INTS10: variants seen among roughly 807,000 people sequenced by gnomAD.
INTS10 encodes the protein integrator complex subunit 10.
In INTS10, 44 loss-of-function variants were observed where a neutral mutation model predicts 94.4. That is an observed-to-expected ratio of 0.47 (90% CI 0.37 to 0.60). The LOEUF (loss-of-function observed/expected upper bound fraction) is 0.60. Ranked by LOEUF, INTS10 falls within the 20% of genes least tolerant of loss-of-function variation. INTS10 has a pLI of 0.00. For missense variants in INTS10, 797 were observed against 868.7 expected (o/e 0.92, Z 1.04); for synonymous variants, 341 against 320.7 (o/e 1.06, Z -0.68).
chr8:19,831,953 T>C (rs1322339770), intron 10 of INTS10, 75 bp from the exon 11 acceptor site: 1 of 860,436 alleles, frequency 1.2e-6, no homozygotes, highest in Non-Finnish European at 2.0e-6. Context: ...TCTTCTCTCT[T>C]ACTGGATTTG....
At chr8:19,833,471 CA>C (rs2067404881) in intron 12 of INTS10, 150 bp downstream of exon 12, 4 of 525,408 alleles carry the variant, frequency 7.6e-6, no homozygotes, top group Non-Finnish European at 1.2e-5. Context: ...GTGAACATCA[CA>C]ATGATTTTGT....
intron 10 of INTS10, 44 bp from the exon 11 acceptor site, chr8:19,831,984 T>A (rs2067263039): frequency 9.0e-7 from 1 of 1,108,392 alleles, no homozygotes; most frequent in Admixed American, 1.7e-5. Flanking sequence ...TTCTGCTTCT[T>A]TGCTGCATAT....
intron 12 of INTS10, 70 bp downstream of exon 12, chr8:19,833,391 G>A (rs529850113): frequency 3.5e-5 from 44 of 1,252,564 alleles, no homozygotes; most frequent in African/African-American, 1.1e-4. Flanking sequence ...TTTCCCTAGC[G>A]TGGCTTTTCA....
chr8:19,833,307 C>T lies in INTS10; in HGVS notation c.1516C>T (p.Leu506=). 2 of 1,611,076 alleles carry T rather than the reference C, an allele frequency of 1.2e-6. No homozygotes were observed. Among genetic ancestry groups the T allele is most frequent in the Non-Finnish European group, 1.7e-6 (2 of 1,178,522 alleles). Residue 506 remains leucine, a synonymous_variant, in exon 12 of 17, where the codon CTA becomes TTA. Coordinates refer to ENST00000397977, the MANE Select transcript of INTS10 (RefSeq NM_018142.4). Reference sequence around the variant, plus strand: ...CCAGCTGGCGACGTGCCACTTTGCGCTAGGGGAGTACAGAGTGAGTACTGC... The same window carrying T: ...CCAGCTGGCGACGTGCCACTTTGCGTTAGGGGAGTACAGAGTGAGTACTGC... ...LIQLATCHFA[L]GEYRMTCEKV...
intron 15 of INTS10, 129 bp downstream of exon 15, chr8:19,844,367 G>A: frequency 1.4e-6 from 1 of 729,992 alleles, no homozygotes; most frequent in Non-Finnish European, 2.2e-6. Flanking sequence ...GAGAAGGAAT[G>A]GGGATTAAAA....
intron 12 of INTS10, among the ~76,000 whole-genome samples, chr8:19,834,034 C>A (rs2067456593): frequency 6.6e-6 from 1 of 151,162 alleles, no homozygotes; most frequent in South Asian, 2.1e-4. Flanking sequence ...GGTGATAATA[C>A]CCAATAGGGG....
At chr8:19,829,585 G>A (rs1269481145) in intron 9 of INTS10, among the ~76,000 whole-genome samples, 1 of 152,164 alleles carries the variant, frequency 6.6e-6, no homozygotes, top group African/African-American at 2.4e-5. Context: ...CGAGAGAGGG[G>A]TGACCAGTGC....
intron 3 of INTS10, 37 bp downstream of exon 3, chr8:19,819,713 T>C (rs2066217342): frequency 7.0e-7 from 1 of 1,425,274 alleles, no homozygotes; most frequent in Non-Finnish European, 9.9e-7. Flanking sequence ...ATTTCGGGAA[T>C]ACCAAATCAT....
rs561518835 is a variant in INTS10 at position 19,830,638 on chromosome 8, C to G, written c.1294+79C>G. 1.3e-5 allele frequency: 17 copies of G among 1,351,980 alleles called. 2 individuals are homozygous for G. In the African/African-American group the frequency reaches 2.2e-4, roughly 17 times the overall value. The allele number at this position is 1,351,980 out of a possible 1,614,324, so 83.7% of individuals were successfully genotyped here. A position where few individuals can be genotyped will look rare whatever the true frequency, so the allele number is the denominator to read the frequency against. ...GCTACTTCAAATGTCAGGTCACTTA[C>G]GGCAAATTAAGTTGATTACAGTAGT... On this transcript the variant is annotated intron_variant, in intron 10 of 16. Coordinates refer to ENST00000397977, the MANE Select transcript of INTS10 (RefSeq NM_018142.4).
At chr8:19,818,188 C>A (rs749667999) in intron 1 of INTS10, 87 bp from the exon 2 acceptor site, 1 of 1,294,072 alleles carries the variant, frequency 7.7e-7, no homozygotes, top group African/African-American at 1.5e-5. Flanking sequence ...CCCTCCCTTC[C>A]TGCAGGAGGG....
Position 19,841,718 on chromosome 8 carries a change from C to G in INTS10, c.1640-1130C>G, listed in dbSNP as rs145485078. 1.3e-4 allele frequency: 55 copies of G among 419,778 alleles called. No homozygotes were observed. In the East Asian group the frequency reaches 2.9e-3, roughly 22 times the overall value. 26.0% of individuals were successfully genotyped at this position (419,778 alleles called of 1,614,324 possible). On this transcript the variant is annotated intron_variant, in intron 13 of 16. Coordinates refer to ENST00000397977, the MANE Select transcript of INTS10 (RefSeq NM_018142.4). Reference sequence around the variant, plus strand: ...GTCATGCAACCATTCTGGAAACCAACTTCCCATGACCAAGTTGAACATGTC... The same window carrying G: ...GTCATGCAACCATTCTGGAAACCAAGTTCCCATGACCAAGTTGAACATGTC...
At chr8:19,828,874 T>G (rs10092772) in intron 9 of INTS10, among the ~76,000 whole-genome samples, 2 of 151,786 alleles carry the variant, frequency 1.3e-5, no homozygotes, top group African/African-American at 2.4e-5. Flanking sequence ...CAGGTTTTGA[T>G]TGGAAAAGGT....
rs58132067 is a variant in INTS10 at position 19,846,485 on chromosome 8, G to C, written c.1976+688G>C. ...GCTGTGCTTAATTAAAATTGTGCTGGGTTAGAAAAATTCTTTAGGAAAAAC... is the reference window on the plus strand; with the variant it reads ...GCTGTGCTTAATTAAAATTGTGCTGCGTTAGAAAAATTCTTTAGGAAAAAC... On this transcript the variant is annotated intron_variant, in intron 16 of 16. Transcript: ENST00000397977. The surrounding 1 kb of genome is among the most constrained non-coding windows in gnomAD (Gnocchi z 4.2). Among the ~76,000 whole-genome samples, 18,995 of 151,846 alleles carry C rather than the reference G, an allele frequency of 0.13. 1,333 individuals carry two copies. Among genetic ancestry groups the C allele is most frequent in the East Asian group, 0.29 (1,517 of 5,172 alleles).
At chr8:19,841,983 T>A in intron 13 of INTS10, 1 of 256,254 alleles carries the variant, frequency 3.9e-6, no homozygotes, top group Non-Finnish European at 7.8e-6. Context: ...GGATCCCATG[T>A]GAAAAATATT....
chr8:19,818,136 T>G (rs949892113), intron 1 of INTS10, 139 bp from the exon 2 acceptor site: 6 of 804,146 alleles, frequency 7.5e-6, no homozygotes, highest in Admixed American at 7.4e-5. Flanking sequence ...AAGTCTGCCA[T>G]GTATGTGGCG....
chr8:19,836,296 G>C lies in INTS10; in HGVS notation c.1531-756G>C, dbSNP rs115596683. On this transcript the variant is annotated intron_variant, in intron 12 of 16. Coordinates refer to ENST00000397977, the MANE Select transcript of INTS10 (RefSeq NM_018142.4). The stretch of plus-strand genomic sequence containing the variant: ...AGGGTTTGCTTGACACAGATAAAAG[G>C]CTCATTGCATGGAATCTGACTGTTG... Among the ~76,000 whole-genome samples, 251 of 152,210 alleles carry C rather than the reference G, an allele frequency of 1.6e-3. 2 individuals carry two copies. The highest frequency in any genetic ancestry group is 5.8e-3 in the African/African-American group (242 of 41,538).
chr8:19,851,894 T>C lies in INTS10; in HGVS notation c.*89T>C, dbSNP rs1054534113. On this transcript the variant is annotated 3_prime_UTR_variant, in exon 17 of 17. Transcript: ENST00000397977. The surrounding 1 kb of genome is among the most constrained non-coding windows in gnomAD (Gnocchi z 5.0). ...TGATTGCCATGGCACAGAGCCGTGGTCATTGTTGCTGTTACAAAGAAGAAA... is the reference window on the plus strand; with the variant it reads ...TGATTGCCATGGCACAGAGCCGTGGCCATTGTTGCTGTTACAAAGAAGAAA... 6 of 1,172,836 alleles carry C rather than the reference T, an allele frequency of 5.1e-6. No homozygotes were observed. The highest frequency in any genetic ancestry group is 2.1e-5 in the Admixed American group (1 of 47,406). 72.7% of individuals were successfully genotyped at this position (1,172,836 alleles called of 1,614,324 possible).
intron 10 of INTS10, among the ~76,000 whole-genome samples, chr8:19,831,681 T>C (rs2067239442): frequency 6.6e-6 from 1 of 152,000 alleles, no homozygotes; most frequent in Non-Finnish European, 1.5e-5. Flanking sequence ...ACAGGGAGAA[T>C]GTCTCTAAAA....
chr8:19,828,056 A>T (rs1308875830), intron 9 of INTS10, among the ~76,000 whole-genome samples: 2 of 151,964 alleles, frequency 1.3e-5, no homozygotes, highest in Non-Finnish European at 2.9e-5. Flanking sequence ...AAAAAATGAA[A>T]AAAAAAACTA....
Sources: allele counts gnomAD v4.1 joint callset (sites outside exome capture counted in the v4.1 genomes callset), GRCh38; gene constraint gnomAD v4.1.1; non-coding constraint Gnocchi (gnomAD v3.1); transcripts MANE v1.5; gene names NCBI Gene and HGNC (gene_info 2026-07-23, HGNC 2026-07-21).